The following SLMAP variants were observed in gnomAD, a reference collection of about 807,000 sequenced individuals.
The protein encoded by SLMAP is sarcolemma associated protein, also known as sarcolemmal membrane-associated protein.
A neutral mutation model predicts 128.8 loss-of-function variants in SLMAP; 44 were observed. The ratio of observed to expected loss-of-function variants is 0.34; its 90% confidence interval spans 0.27 to 0.44. SLMAP has a LOEUF of 0.44. Ranked by LOEUF, SLMAP falls within the 20% of genes least tolerant of loss-of-function variation. The pLI is 1.00. For synonymous variants in SLMAP, 327 were observed against 348.8 expected (o/e 0.94, Z 0.70); for missense variants, 787 against 985.3 (o/e 0.80, Z 2.69).
At chr3:57,854,602 A>T (rs2094681063) in intron 6 of SLMAP, among the ~76,000 whole-genome samples, 1 of 152,194 alleles carries the variant, frequency 6.6e-6, no homozygotes, top group Non-Finnish European at 1.5e-5. Flanking sequence ...TGTCTCAGAA[A>T]TAAAACAAAA....
chr3:57,896,831 A>G, intron 16 of SLMAP, 42 bp from the exon 17 acceptor site: 1 of 1,561,718 alleles, frequency 6.4e-7, no homozygotes. Context: ...ATAGATCTGA[A>G]TACTGTCTGT....
chr3:57,928,100 CTG>C lies in SLMAP; in HGVS notation c.*812_*813del, dbSNP rs370008876. 3.0e-4 allele frequency: 46 copies of C among 152,628 alleles called. No individual in the cohort carries two copies. The highest frequency in any genetic ancestry group is 1.1e-3 in the African/African-American group (45 of 41,532). The allele number at this position is 152,628 out of a possible 1,614,324, so 9.5% of individuals were successfully genotyped here. A position where few individuals can be genotyped will look rare whatever the true frequency, so the allele number is the denominator to read the frequency against. On this transcript the variant is annotated 3_prime_UTR_variant, in exon 25 of 25. Transcript: ENST00000671191. The stretch of plus-strand genomic sequence containing the variant: ...ATGAGAGTGTATTTTCTTGAGCAAA[CTG>C]AAGTATTTCTGGGAGCAAAAACATA...
At chr3:57,798,234 G>A (rs940654801) in intron 2 of SLMAP, among the ~76,000 whole-genome samples, 1 of 152,020 alleles carries the variant, frequency 6.6e-6, no homozygotes, top group Non-Finnish European at 1.5e-5. Context: ...TTTTATTTAG[G>A]TATTTTCAGG....
chr3:57,906,212 C>T (rs140005868), intron 17 of SLMAP, among the ~76,000 whole-genome samples: 1 of 150,912 alleles, frequency 6.6e-6, no homozygotes, highest in Non-Finnish European at 1.5e-5. Flanking sequence ...ATCTCTCTCT[C>T]TACATGCCCC....
At chr3:57,769,418 C>T (rs1003339104) in intron 2 of SLMAP, among the ~76,000 whole-genome samples, 9 of 152,084 alleles carry the variant, frequency 5.9e-5, no homozygotes, top group African/African-American at 2.2e-4. Context: ...TGGTCTCGAT[C>T]TCCTGACCTC....
chr3:57,841,448 T>G lies in SLMAP; in HGVS notation c.419+77T>G, dbSNP rs1416123244. ...AATTTAGTAATAATATTCTAGGTGA[T>G]GGTGTACTGCTAATACCTGCTTCAG... On this transcript the variant is annotated intron_variant, in intron 4 of 24. Coordinates refer to ENST00000671191, the MANE Select transcript of SLMAP (RefSeq NM_001377540.1). 3 of 786,800 alleles carry G rather than the reference T, an allele frequency of 3.8e-6. No homozygotes were observed. The African/African-American group carries it at 5.3e-5, about 14-fold the overall frequency. The allele number at this position is 786,800 out of a possible 1,614,324, so 48.7% of individuals were successfully genotyped here.
Position 57,757,857 on chromosome 3 carries a change from C to T in SLMAP, c.198+8C>T. ...GATCACAAGACGGGCAAGGTAATGT[C>T]ACCACATTGTCCAGCGGCATTGTTT... On this transcript the variant is annotated splice_region_variant and intron_variant, in intron 2 of 24. Coordinates refer to ENST00000671191, the MANE Select transcript of SLMAP (RefSeq NM_001377540.1). 1.2e-6 allele frequency: 2 copies of T among 1,613,372 alleles called. No individual in the cohort carries two copies. Among genetic ancestry groups the T allele is most frequent in the Admixed American group, 1.7e-5 (1 of 59,990 alleles).
rs1447342648 is a variant in SLMAP, at chr3:57,929,898, A to G, written c.*2609A>G. On this transcript the variant is annotated 3_prime_UTR_variant, in exon 25 of 25. Transcript: ENST00000671191. ...TATGTGAAGTACCATTCGAGTGGTG[A>G]ATACGTTTTTATGAGAATGTCATAC... is the stretch of plus-strand genomic sequence containing the variant. 6.6e-6 allele frequency among the ~76,000 whole-genome samples: 1 copy of G among 152,240 alleles called. No individual in the cohort carries two copies. Among genetic ancestry groups the G allele is most frequent in the Non-Finnish European group, 1.5e-5 (1 of 68,046 alleles).
intron 5 of SLMAP, 79 bp from the exon 6 acceptor site, chr3:57,849,675 T>C (rs893967543): frequency 2.4e-5 from 19 of 791,682 alleles, no homozygotes; most frequent in Non-Finnish European, 4.0e-5. Context: ...TTTAAGTAAG[T>C]AGACATTTCA....
chr3:57,925,050 G>A (rs2153710620), intron 23 of SLMAP, among the ~76,000 whole-genome samples: 1 of 150,520 alleles, frequency 6.6e-6, no homozygotes, highest in Middle Eastern at 3.4e-3. Flanking sequence ...GACCTTCCCA[G>A]TTCAAGCAAT....
intron 2 of SLMAP, among the ~76,000 whole-genome samples, chr3:57,775,507 TACAAAAAAAAAAAAAA>T (rs1413796683): frequency 0.014 from 387 of 27,326 alleles, 7 homozygotes; most frequent in African/African-American, 0.035. Flanking sequence ...ACCCTGTTGG[TACAAAAAAAAAAAAAA>T]AAAAAAAAAA....
chr3:57,919,039 A>T (rs1459645256), intron 22 of SLMAP, among the ~76,000 whole-genome samples: 1 of 152,218 alleles, frequency 6.6e-6, no homozygotes, highest in African/African-American at 2.4e-5. Context: ...AAATTTATAT[A>T]TGTGGCAGCT....
At chr3:57,840,051 C>T (rs1392665690) in intron 3 of SLMAP, among the ~76,000 whole-genome samples, 1 of 152,162 alleles carries the variant, frequency 6.6e-6, no homozygotes, top group Non-Finnish European at 1.5e-5. Context: ...AAACTCCTGA[C>T]CTCAGGTGAT....
chr3:57,923,062 G>A (rs781257580), intron 23 of SLMAP, 39 bp downstream of exon 23: 1 of 1,585,212 alleles, frequency 6.3e-7, no homozygotes, highest in Non-Finnish European at 8.6e-7. Flanking sequence ...TGATTGAGAG[G>A]CACATGAGAG....
intron 2 of SLMAP, among the ~76,000 whole-genome samples, chr3:57,787,042 T>G (rs1039128169): frequency 2.0e-5 from 3 of 152,084 alleles, no homozygotes; most frequent in Non-Finnish European, 2.9e-5. Flanking sequence ...TGCCGAAAAT[T>G]ATGTAGTTTT....
chr3:57,811,251 C>G (rs980414337), intron 2 of SLMAP, among the ~76,000 whole-genome samples: 1 of 151,870 alleles, frequency 6.6e-6, no homozygotes, highest in African/African-American at 2.4e-5. Context: ...CCATTTTTTC[C>G]TCCCTCCAGT....
intron 14 of SLMAP, among the ~76,000 whole-genome samples, chr3:57,874,763 G>T (rs1254210557): frequency 6.6e-6 from 1 of 151,876 alleles, no homozygotes; most frequent in African/African-American, 2.4e-5. Context: ...GGAGGCTGAG[G>T]CAGGAGAATC....
intron 2 of SLMAP, among the ~76,000 whole-genome samples, chr3:57,811,585 A>G (rs758306347): frequency 5.9e-5 from 9 of 152,126 alleles, no homozygotes; most frequent in East Asian, 5.8e-4. Flanking sequence ...TTGAGACCCT[A>G]CTTTTGGCTA....
chr3:57,814,947 A>G (rs946041011), intron 2 of SLMAP, among the ~76,000 whole-genome samples: 1 of 152,110 alleles, frequency 6.6e-6, no homozygotes, highest in Non-Finnish European at 1.5e-5. Flanking sequence ...GTGATTGCCT[A>G]CTGTACTCTA....
Sources: gnomAD v4.1 joint callset for allele counts (sites outside exome capture counted in the v4.1 genomes callset) on GRCh38, gnomAD v4.1.1 for gene constraint, MANE v1.5 for transcripts, NCBI Gene and HGNC (gene_info 2026-07-23, HGNC 2026-07-21) for gene names.